PPP2R5C: variants seen among roughly 807,000 people sequenced by gnomAD.
PPP2R5C encodes serine/threonine-protein phosphatase 2A 56 kDa regulatory subunit gamma isoform.
Under a neutral mutation model 68.9 loss-of-function variants are expected in PPP2R5C, and 7 were observed. The ratio of observed to expected loss-of-function variants is 0.10; its 90% CI spans 0.06 to 0.19. The LOEUF (loss-of-function observed/expected upper bound fraction) is 0.19. PPP2R5C is among the 10% of genes least tolerant of loss of function. The probability of loss-of-function intolerance (pLI) is 1.00; values close to 1 mark genes in which losing one functional copy is unlikely to be tolerated. For synonymous variants in PPP2R5C, 210 were observed against 222.2 expected, an observed-to-expected ratio of 0.95 and a Z score of 0.49; for missense variants, 348 against 641.3, an observed-to-expected ratio of 0.54 and a Z score of 4.94.
At position 101,909,570 on chromosome 14, in the gene PPP2R5C, C is replaced by G; in HGVS notation, c.1152-19C>G. On this transcript the variant is annotated intron_variant, in intron 10 of 13. Coordinates refer to ENST00000334743, the Ensembl canonical transcript of PPP2R5C. ...CAGGAATGCGTGCTCCCAGGCTCAC[C>G]GTGCGGTTTTCTTTATAGGACAATA... 1 of 1,544,428 alleles carries G rather than the reference C, an allele frequency of 6.5e-7. No homozygotes were observed. Among genetic ancestry groups the G allele is most frequent in the Non-Finnish European group, 8.9e-7 (1 of 1,118,354 alleles).
At chr14:101,794,919 C>T (rs1362246524) in intron 3 of PPP2R5C, among the ~76,000 whole-genome samples, 1 of 152,182 alleles carries the variant, frequency 6.6e-6, no homozygotes, top group African/African-American at 2.4e-5. Context: ...AGCATCTGCA[C>T]ATAATTTCAC....
At chr14:101,819,128 GAC>G in intron 1 of PPP2R5C, 1 of 1,475,826 alleles carries the variant, frequency 6.8e-7, no homozygotes, top group Non-Finnish European at 9.3e-7. Flanking sequence ...TACATTTGTA[GAC>G]AGTTTCTGTA....
At chr14:101,873,190 A>T (rs1475241495) in intron 2 of PPP2R5C, among the ~76,000 whole-genome samples, 1 of 152,126 alleles carries the variant, frequency 6.6e-6, no homozygotes, top group Non-Finnish European at 1.5e-5. Flanking sequence ...TACTGTATTC[A>T]TGTCCTTGTC....
Position 101,917,318 on chromosome 14 carries a change from AG to A in PPP2R5C, c.1327-510del, listed in dbSNP as rs996306773. 1.8e-4 allele frequency among the ~76,000 whole-genome samples: 27 copies of A among 152,062 alleles called. 1 individual carries two copies. Among genetic ancestry groups the A allele is most frequent in the African/African-American group, 6.0e-4 (25 of 41,442 alleles). On this transcript the variant is annotated intron_variant, in intron 12 of 13. Transcript: ENST00000334743. This position sits in a 1 kb window ranked among gnomAD's most constrained non-coding sequence, Gnocchi z 4.4. ...AGCAAGTCACCCGGGATGTGATGAG[AG>A]GGTTTCATAAGCAAGCCGGGAAAAT... is the stretch of plus-strand genomic sequence containing the variant.
rs1490100255 is a variant in PPP2R5C at position 101,787,607 on chromosome 14, C to CA, written c.259+1429dup. On this transcript the variant is annotated intron_variant, in intron 3 of 14. Coordinates refer to the PPP2R5C transcript ENST00000328724. ...TGAAACCCCGTCTCTACTAAAAATA[C>CA]AAAAACAAAATTAGCCAGGCGTGGT... Among the ~76,000 whole-genome samples, 20 of 151,964 alleles carry CA rather than the reference C, an allele frequency of 1.3e-4. No homozygotes were observed. In the South Asian group the frequency reaches 3.1e-3, roughly 24 times the overall value.
At chr14:101,850,088 T>C (rs1057309424) in intron 1 of PPP2R5C, among the ~76,000 whole-genome samples, 1 of 152,206 alleles carries the variant, frequency 6.6e-6, no homozygotes, top group Non-Finnish European at 1.5e-5. Flanking sequence ...GTAACTGTTA[T>C]CCACAGGCTG....
chr14:101,912,691 C>G, intron 12 of PPP2R5C: 1 of 1,024,112 alleles, frequency 9.8e-7, no homozygotes, highest in East Asian at 3.5e-5. Flanking sequence ...CTTTTTTCCT[C>G]TGCTTTTTAA....
At chr14:101,761,757 G>T, upstream of PPP2R5C, 1 of 973,480 alleles carries the variant, frequency 1.0e-6, no homozygotes, top group South Asian at 4.7e-5. Flanking sequence ...GGGGAAGCGA[G>T]AGCAAGCGAA....
rs560383897 is a variant in PPP2R5C at position 101,917,315 on chromosome 14, G to A, written c.1327-516G>A. Among the ~76,000 whole-genome samples the A allele has an allele frequency of 6.6e-6, 1 of 152,194 alleles. No homozygotes were observed. Among genetic ancestry groups the A allele is most frequent in the Non-Finnish European group, 1.5e-5 (1 of 68,030 alleles). ...GAGAGCAAGTCACCCGGGATGTGAT[G>A]AGAGGGTTTCATAAGCAAGCCGGGA... is the stretch of plus-strand genomic sequence containing the variant. On this transcript the variant is annotated intron_variant, in intron 12 of 13. Coordinates refer to ENST00000334743, the Ensembl canonical transcript of PPP2R5C. This position sits in a 1 kb window ranked among gnomAD's most constrained non-coding sequence, Gnocchi z 4.4.
upstream of PPP2R5C, among the ~76,000 whole-genome samples, chr14:101,808,404 C>T (rs952092929): frequency 2.0e-5 from 3 of 152,240 alleles, no homozygotes; most frequent in African/African-American, 4.8e-5. Flanking sequence ...ATCTCCTGGC[C>T]GGCCATGGAA....
In PPP2R5C at chr14:101,798,047, G is replaced by C. The variant is rs186262214; in HGVS notation, c.259+11864G>C. On this transcript the variant is annotated intron_variant, in intron 3 of 14. Transcript: ENST00000328724. ...GCTGAATGTTAGGTATCTTTGATCT[G>C]TCTAAGGAAAAAGTCTATTTTAAAC... is the stretch of plus-strand genomic sequence containing the variant. Among the ~76,000 whole-genome samples, 473 of 152,094 alleles carry C rather than the reference G, an allele frequency of 3.1e-3. 2 individuals are homozygous for C. The highest frequency in any genetic ancestry group is 3.7e-3 in the Non-Finnish European group (255 of 68,022).
At chr14:101,910,978 C>T (rs959191061) in intron 11 of PPP2R5C, among the ~76,000 whole-genome samples, 4 of 152,182 alleles carry the variant, frequency 2.6e-5, no homozygotes, top group Non-Finnish European at 4.4e-5. Context: ...GTGGCAGGCG[C>T]CTGTGGTCCC....
chr14:101,829,936 T>C (rs912591190), intron 1 of PPP2R5C, among the ~76,000 whole-genome samples: 7 of 146,722 alleles, frequency 4.8e-5, no homozygotes, highest in Admixed American at 1.4e-4. Context: ...TTAGTGTCCA[T>C]AGTGGCAAAA....
intron 3 of PPP2R5C, among the ~76,000 whole-genome samples, chr14:101,787,483 GC>G (rs1209309397): frequency 6.6e-6 from 1 of 152,012 alleles, no homozygotes; most frequent in African/African-American, 2.4e-5. Context: ...CAGGTTCTCG[GC>G]CGGGCGCAGT....
chr14:101,923,434 C>T (rs58304956), intron 13 of PPP2R5C, among the ~76,000 whole-genome samples: 29,784 of 152,156 alleles, frequency 0.2, 4,716 homozygotes, highest in African/African-American at 0.43. Context: ...TTTTGCTTCA[C>T]TTTGTTTTAC....
At chr14:101,840,905 A>G (rs533637824) in intron 1 of PPP2R5C, among the ~76,000 whole-genome samples, 3 of 152,324 alleles carry the variant, frequency 2.0e-5, no homozygotes, top group South Asian at 4.1e-4. Context: ...GAGGATGAAA[A>G]TGTTGCTTCC....
intron 1 of PPP2R5C, chr14:101,824,283 G>A: frequency 1.1e-6 from 1 of 942,466 alleles, no homozygotes; most frequent in East Asian, 6.3e-5. Context: ...TTCTTGCGGG[G>A]TAGGAGAGAG....
chr14:101,845,448 G>A (rs1459002595), intron 1 of PPP2R5C, among the ~76,000 whole-genome samples: 2 of 150,564 alleles, frequency 1.3e-5, no homozygotes, highest in African/African-American at 2.5e-5. Flanking sequence ...CATCCGGGGC[G>A]CCTCTCCACT....
At chr14:101,786,226 G>A in intron 3 of PPP2R5C, 43 bp downstream of exon 3, 4 of 1,453,322 alleles carry the variant, frequency 2.8e-6, no homozygotes, top group Non-Finnish European at 3.7e-6. Context: ...GTGGCTGTTG[G>A]AGTGAAGGAG....
Sources: allele counts gnomAD v4.1 joint callset (sites outside exome capture counted in the v4.1 genomes callset), GRCh38; gene constraint gnomAD v4.1.1; non-coding constraint Gnocchi (gnomAD v3.1); transcripts MANE v1.5; gene names NCBI Gene and HGNC (gene_info 2026-07-23, HGNC 2026-07-21).